The following DIMT1 variants were observed in gnomAD, a reference collection of about 807,000 sequenced individuals.
DIMT1 encodes the protein DIM1 rRNA methyltransferase and ribosome maturation factor.
In DIMT1, 36 loss-of-function variants were observed where a neutral mutation model predicts 43.2. The observed-to-expected ratio is 0.83, with a 90% CI of 0.64 to 1.10. The LOEUF (loss-of-function observed/expected upper bound fraction) is 1.10, where lower values mean the gene tolerates loss of function less well. Among genes scored for constraint, DIMT1 ranks in the 50% least tolerant of loss-of-function variants. The pLI is 0.00. For synonymous variants in DIMT1, 126 were observed against 130.3 expected, an observed-to-expected ratio of 0.97 and a Z score of 0.22; for missense variants, 341 against 385.3, an observed-to-expected ratio of 0.88 and a Z score of 0.96.
chr5:62,392,817 G>T, intron 9 of DIMT1, 109 bp downstream of exon 9: 1 of 622,048 alleles, frequency 1.6e-6, no homozygotes, highest in Non-Finnish European at 2.8e-6. Context: ...AGTTTGTCTG[G>T]ACCCATAATC....
intron 6 of DIMT1, among the ~76,000 whole-genome samples, chr5:62,396,733 C>T (rs1466904569): frequency 1.3e-5 from 2 of 152,032 alleles, no homozygotes; most frequent in East Asian, 3.9e-4. Context: ...TTCTTTGGTC[C>T]TAAAGAAAGT....
intron 2 of DIMT1, 110 bp from the exon 3 acceptor site, chr5:62,402,232 G>T: frequency 1.9e-6 from 2 of 1,033,186 alleles, no homozygotes. Context: ...CTCTTAATCT[G>T]ACTCCATTTT....
At chr5:62,402,273 A>C in intron 2 of DIMT1, 151 bp from the exon 3 acceptor site, 1 of 727,852 alleles carries the variant, frequency 1.4e-6, no homozygotes, top group Non-Finnish European at 2.2e-6. Context: ...GTGGTTAACA[A>C]AATTACCTCA....
At chr5:62,390,855 G>C (rs765691960) in intron 11 of DIMT1, 21 bp downstream of exon 11, 8 of 1,601,188 alleles carry the variant, frequency 5.0e-6, no homozygotes, top group Non-Finnish European at 6.8e-6. Flanking sequence ...TAAACACTTA[G>C]GAAAACAAAA....
chr5:62,392,968 A>G lies in DIMT1; in HGVS notation c.686T>C (p.Ile229Thr), dbSNP rs543436948. 7.1e-5 allele frequency: 114 copies of G among 1,610,910 alleles called. No individual in the cohort carries two copies. The East Asian group carries it at 2.4e-3, about 34-fold the overall frequency. Residue 229 changes from isoleucine (I) to threonine (T), a missense_variant, in exon 9 of 12, where the codon ATA (isoleucine) becomes ACA (threonine). Coordinates refer to ENST00000199320, the MANE Select transcript of DIMT1 (RefSeq NM_014473.4). ...TGTCTTGTTTTTCCTAACAAAGGTT[A>G]TCCTTACTAGACCATCCCATTCCTG... ...NFQEWDGLVR[I>T]TFVRKNKTLS...
rs1190171742 is a variant in DIMT1, at chr5:62,392,261, G to GTTAT, written c.729-31_729-28dup. The GTTAT allele has an allele frequency of 3.8e-6, 6 of 1,592,556 alleles. No individual in the cohort carries two copies. The African/African-American group carries it at 8.1e-5, about 22-fold the overall frequency. ...TATAGCATAAAGAAGTGATGCCACT[G>GTTAT]TTATTATTCCAAAGTCAGAGTAATT... On this transcript the variant is annotated intron_variant, in intron 9 of 11. Coordinates refer to ENST00000199320, the MANE Select transcript of DIMT1 (RefSeq NM_014473.4).
chr5:62,392,136 A>C (rs752199854), intron 10 of DIMT1, 35 bp downstream of exon 10: 4 of 1,606,962 alleles, frequency 2.5e-6, no homozygotes, highest in Admixed American at 3.4e-5. Context: ...AAAGAAAACA[A>C]ATCAATGAAA....
In DIMT1 at chr5:62,392,163, T is replaced by A; in HGVS notation, c.792+8A>T. On this transcript the variant is annotated splice_region_variant and intron_variant, in intron 10 of 11. Transcript: ENST00000199320. The stretch of plus-strand genomic sequence containing the variant: ...TCAATGAAACTGCAGGAACATTTTC[T>A]AACTTACAATATTATGGACTGAACA... 3 of 1,611,246 alleles carry A rather than the reference T, an allele frequency of 1.9e-6. No individual in the cohort carries two copies. The highest frequency in any genetic ancestry group is 2.5e-6 in the Non-Finnish European group (3 of 1,178,928).
In DIMT1 at chr5:62,388,970, T is replaced by C; in HGVS notation, c.*40A>G. 1 of 1,568,454 alleles carries C rather than the reference T, an allele frequency of 6.4e-7. No individual in the cohort carries two copies. On this transcript the variant is annotated 3_prime_UTR_variant, in exon 12 of 12. Coordinates refer to ENST00000199320, the MANE Select transcript of DIMT1 (RefSeq NM_014473.4). ...TCAAATACAAAAAATACAAAATTCA[T>C]TTCTTTTCTTGACCTTGAAAATTTC...
At chr5:62,394,186 G>T (rs1742400249) in intron 7 of DIMT1, 139 bp from the exon 8 acceptor site, 1 of 920,028 alleles carries the variant, frequency 1.1e-6, no homozygotes, top group Non-Finnish European at 1.7e-6. Context: ...AAAATCACTG[G>T]CTGGGTGCTT....
intron 6 of DIMT1, among the ~76,000 whole-genome samples, chr5:62,394,955 AAGAGG>A: frequency 6.6e-6 from 1 of 152,286 alleles, no homozygotes; most frequent in South Asian, 2.1e-4. Context: ...ACCTTTAAGG[AAGAGG>A]TGAGACTGAA....
chr5:62,400,581 G>A (rs1025635553), intron 3 of DIMT1, among the ~76,000 whole-genome samples: 25 of 150,630 alleles, frequency 1.7e-4, no homozygotes, highest in African/African-American at 5.4e-4. Flanking sequence ...ATTGGGTCTC[G>A]CTTTGTTGCC....
At chr5:62,392,398 AGTT>A (rs1425106165) in intron 9 of DIMT1, among the ~76,000 whole-genome samples, 164 bp from the exon 10 acceptor site, 2 of 152,200 alleles carry the variant, frequency 1.3e-5, no homozygotes, top group Admixed American at 6.5e-5. Flanking sequence ...GAATTTTAAA[AGTT>A]GTTGAATATT....
At chr5:62,398,991 T>C (rs1191464631) in intron 3 of DIMT1, 110 bp from the exon 4 acceptor site, 5 of 889,970 alleles carry the variant, frequency 5.6e-6, no homozygotes, top group Non-Finnish European at 8.6e-6. Context: ...TCTTCTCCCA[T>C]TTCTACCATC....
At chr5:62,392,822 A>T in intron 9 of DIMT1, 104 bp downstream of exon 9, 1 of 684,816 alleles carries the variant, frequency 1.5e-6, no homozygotes, top group Non-Finnish European at 2.5e-6. Context: ...GTCTGGACCC[A>T]TAATCTTTAT....
chr5:62,398,592 A>G (rs758017887), intron 5 of DIMT1, 32 bp from the exon 6 acceptor site: 4 of 1,612,874 alleles, frequency 2.5e-6, no homozygotes, highest in Non-Finnish European at 3.4e-6. Context: ...ATTTCCGGGA[A>G]AGACACATCA....
chr5:62,394,325 A>T (rs1300413497), intron 7 of DIMT1, among the ~76,000 whole-genome samples, 159 bp downstream of exon 7: 1 of 152,192 alleles, frequency 6.6e-6, no homozygotes, highest in African/African-American at 2.4e-5. Context: ...AAAATTAGTC[A>T]GGCGTGGTGA....
Position 62,394,470 on chromosome 5 carries a change from C to A in DIMT1, c.570+14G>T, listed in dbSNP as rs982107903. The A allele has an allele frequency of 5.6e-6, 9 of 1,613,616 alleles. No homozygotes were observed. Among genetic ancestry groups the A allele is most frequent in the Non-Finnish European group, 7.6e-6 (9 of 1,179,704 alleles). ...TATCTCAGAAAAAAGAGAAAGAAAA[C>A]AAAATTCACTTACTTTCATTAGATG... On this transcript the variant is annotated intron_variant, in intron 7 of 11. Coordinates refer to ENST00000199320, the MANE Select transcript of DIMT1 (RefSeq NM_014473.4).
chr5:62,403,390 A>T (rs1252743783), intron 1 of DIMT1, 44 bp from the exon 2 acceptor site: 3 of 1,578,014 alleles, frequency 1.9e-6, no homozygotes, highest in Non-Finnish European at 2.6e-6. Flanking sequence ...TACTGAGATT[A>T]GATATTAGGC....
Sources: allele counts gnomAD v4.1 joint callset (sites outside exome capture counted in the v4.1 genomes callset), GRCh38; gene constraint gnomAD v4.1.1; transcripts MANE v1.5; gene names NCBI Gene and HGNC (gene_info 2026-07-23, HGNC 2026-07-21).